Variants in SLBP observed in about 807,000 individuals in gnomAD.
The protein encoded by SLBP is histone RNA hairpin-binding protein.
In SLBP, 29 loss-of-function variants were observed where a neutral mutation model predicts 39.2. That is an observed-to-expected ratio of 0.74 (90% CI 0.55 to 1.01). SLBP has a LOEUF of 1.01. Among genes scored for constraint, SLBP ranks in the 50% least tolerant of loss-of-function variants. The pLI, the probability that SLBP is intolerant of heterozygous loss-of-function variation, is 0.00. For missense variants in SLBP, 390 were observed against 350.2 expected, an observed-to-expected ratio of 1.11 and a Z score of -0.91; for synonymous variants, 129 against 118.7, an observed-to-expected ratio of 1.09 and a Z score of -0.57.
intron 2 of SLBP, among the ~76,000 whole-genome samples, chr4:1,708,678 AG>A (rs377718734): frequency 6.6e-6 from 1 of 152,370 alleles, no homozygotes; most frequent in African/African-American, 2.4e-5. Flanking sequence ...TCCATTTCTT[AG>A]ATTAAGTAGG....
At chr4:1,699,742 A>G in intron 4 of SLBP, 41 bp from the exon 5 acceptor site, 1 of 1,594,882 alleles carries the variant, frequency 6.3e-7, no homozygotes, top group Non-Finnish European at 8.6e-7. Context: ...CCTGCAATTA[A>G]GATCACCATG....
intron 4 of SLBP, 128 bp downstream of exon 4, chr4:1,699,883 T>C (rs534710541): frequency 4.1e-5 from 33 of 804,638 alleles, no homozygotes; most frequent in Middle Eastern, 5.3e-4. Context: ...ATACAGTATT[T>C]CAAATTAGTG....
intron 3 of SLBP, among the ~76,000 whole-genome samples, chr4:1,702,908 G>C (rs1165602818): frequency 2.6e-5 from 4 of 152,136 alleles, no homozygotes; most frequent in Admixed American, 1.3e-4. Context: ...GGTTGTGTGA[G>C]CACCGCACAC....
intron 3 of SLBP, among the ~76,000 whole-genome samples, chr4:1,702,612 G>C (rs1357279108): frequency 2.0e-5 from 3 of 152,160 alleles, no homozygotes; most frequent in Non-Finnish European, 4.4e-5. Flanking sequence ...CCTTGCAACT[G>C]GGTTTGAGTT....
At chr4:1,699,497 C>T in intron 5 of SLBP, 67 bp downstream of exon 5, 1 of 1,542,346 alleles carries the variant, frequency 6.5e-7, no homozygotes, top group South Asian at 1.1e-5. Flanking sequence ...ACTACCCAAT[C>T]TAAGCAACTC....
At chr4:1,711,514 G>A (rs1033855829) in intron 2 of SLBP, among the ~76,000 whole-genome samples, 2 of 152,146 alleles carry the variant, frequency 1.3e-5, no homozygotes, top group Non-Finnish European at 2.9e-5. Flanking sequence ...TGGCCAAGCA[G>A]GTAAGCCCTG....
At chr4:1,708,476 T>A (rs147292289) in intron 2 of SLBP, among the ~76,000 whole-genome samples, 1 of 152,330 alleles carries the variant, frequency 6.6e-6, no homozygotes, top group Non-Finnish European at 1.5e-5. Context: ...GAAATCAAAT[T>A]AGGTAATTAA....
chr4:1,709,305 A>G (rs1321465433), intron 2 of SLBP, among the ~76,000 whole-genome samples: 1 of 152,202 alleles, frequency 6.6e-6, no homozygotes, highest in Non-Finnish European at 1.5e-5. Context: ...CCATAAAAAT[A>G]TGGCACAGTA....
chr4:1,709,081 T>C (rs1313307165), intron 2 of SLBP, among the ~76,000 whole-genome samples: 1 of 152,074 alleles, frequency 6.6e-6, no homozygotes, highest in African/African-American at 2.4e-5. Flanking sequence ...TTTTTTTTTT[T>C]TGAGACAGTT....
Position 1,693,356 on chromosome 4 carries a change from A to G in SLBP, c.*241T>C, listed in dbSNP as rs528364409. On this transcript the variant is annotated 3_prime_UTR_variant, in exon 8 of 8. Coordinates refer to ENST00000489418, the MANE Select transcript of SLBP (RefSeq NM_006527.4). Reference sequence around the variant, plus strand: ...GGGATTACGCAATTAAGCTCGCTGGAAGAGAGCTTCAAGTACTTTCTTGGA... The same window carrying G: ...GGGATTACGCAATTAAGCTCGCTGGGAGAGAGCTTCAAGTACTTTCTTGGA... 7.3e-6 allele frequency: 3 copies of G among 411,318 alleles called. No homozygotes were observed. The highest frequency in any genetic ancestry group is 1.3e-5 in the Non-Finnish European group (3 of 223,860). 25.5% of individuals were successfully genotyped at this position (411,318 alleles called of 1,614,324 possible). A position where few individuals can be genotyped will look rare whatever the true frequency, so the allele number is the denominator to read the frequency against.
At position 1,699,628 on chromosome 4, in the gene SLBP, G is replaced by A; in HGVS notation, c.415C>T (p.Gln139Ter). The A allele has an allele frequency of 6.2e-7, 1 of 1,613,280 alleles. No homozygotes were observed. Among genetic ancestry groups the A allele is most frequent in the Non-Finnish European group, 8.5e-7 (1 of 1,179,238 alleles). ...TTCTTCCCATAGTTGATCTGCTTCT[G>A]TCTCCTCATTAGGACACTTTCATCT... ...ETDESVLMRRQKQINYGKNTI... is the reference protein window; with the variant it reads ...ETDESVLMRR Residue 139 changes from glutamine to a stop codon, truncating the protein, a stop_gained, in exon 5 of 8, where the codon CAG (glutamine) becomes TAG (stop). Coordinates refer to ENST00000489418, the MANE Select transcript of SLBP (RefSeq NM_006527.4). LOFTEE classifies it high-confidence loss of function.
Position 1,693,036 on chromosome 4 carries a change from G to A in SLBP, c.*561C>T, listed in dbSNP as rs1049497. ...AGAGTCTAACTAGTGCTATTTACAA[G>A]TACCAAATTAAGACCATATAACTTA... On this transcript the variant is annotated 3_prime_UTR_variant, in exon 8 of 8. Coordinates refer to ENST00000489418, the MANE Select transcript of SLBP (RefSeq NM_006527.4). The A allele has an allele frequency of 0.028, 4,374 of 153,804 alleles. 212 individuals carry two copies. Among genetic ancestry groups the A allele is most frequent in the African/African-American group, 0.097 (4,031 of 41,532 alleles). The allele number at this position is 153,804 out of a possible 1,614,324, so 9.5% of individuals were successfully genotyped here.
At chr4:1,707,480 TA>T (rs961243486) in intron 2 of SLBP, among the ~76,000 whole-genome samples, 1 of 146,580 alleles carries the variant, frequency 6.8e-6, no homozygotes. Context: ...AGATTCCATC[TA>T]AAAAAAATAA....
In SLBP at chr4:1,694,948, T is replaced by G; in HGVS notation, c.630-108A>C. 3 of 779,934 alleles carry G rather than the reference T, an allele frequency of 3.8e-6. No homozygotes were observed. In the Admixed American group the frequency reaches 5.4e-5, roughly 14 times the overall value. The allele number at this position is 779,934 out of a possible 1,614,324, so 48.3% of individuals were successfully genotyped here. On this transcript the variant is annotated intron_variant, in intron 6 of 7. Coordinates refer to ENST00000489418, the MANE Select transcript of SLBP (RefSeq NM_006527.4). ...TATGGTACAGCCACAACACTGACAG[T>G]GTGCCCGAGGCTCCCTGAGGGGTCA...
chr4:1,692,778 G>C lies in SLBP; in HGVS notation c.*819C>G, dbSNP rs1027586322. 3 of 152,618 alleles carry C rather than the reference G, an allele frequency of 2.0e-5. No individual in the cohort carries two copies. Among genetic ancestry groups the C allele is most frequent in the Non-Finnish European group, 4.4e-5 (3 of 68,030 alleles). The allele number at this position is 152,618 out of a possible 1,614,324, so 9.5% of individuals were successfully genotyped here. The stretch of plus-strand genomic sequence containing the variant: ...GCTCTCACGGCAGCTGGCCCACCTG[G>C]CAACAGCCCCAGTCAGTGAAAGAGG... On this transcript the variant is annotated 3_prime_UTR_variant, in exon 8 of 8. Transcript: ENST00000489418.
At chr4:1,706,497 T>C (rs767100019) in intron 2 of SLBP, among the ~76,000 whole-genome samples, 4 of 152,104 alleles carry the variant, frequency 2.6e-5, no homozygotes, top group East Asian at 1.9e-4. Context: ...AAGTTCAAGA[T>C]AGTCTTCAGT....
intron 2 of SLBP, 53 bp downstream of exon 2, chr4:1,711,821 C>A: frequency 2.0e-6 from 2 of 992,358 alleles, no homozygotes; most frequent in South Asian, 5.6e-5. Context: ...CCCTGGAGCC[C>A]GCGGCCTCGT....
At chr4:1,701,473 T>G (rs925856160) in intron 3 of SLBP, among the ~76,000 whole-genome samples, 2 of 152,228 alleles carry the variant, frequency 1.3e-5, no homozygotes, top group Non-Finnish European at 2.9e-5. Context: ...ACTCTTATAT[T>G]GCTAGTTTGT....
intron 2 of SLBP, among the ~76,000 whole-genome samples, chr4:1,704,684 C>T (rs1716452220): frequency 6.6e-6 from 1 of 152,156 alleles, no homozygotes; most frequent in Non-Finnish European, 1.5e-5. Context: ...ACTGAGAAGG[C>T]TCTGCAAGGT....
Sources: allele counts gnomAD v4.1 joint callset (sites outside exome capture counted in the v4.1 genomes callset), GRCh38; gene constraint gnomAD v4.1.1; transcripts MANE v1.5; gene names NCBI Gene and HGNC (gene_info 2026-07-23, HGNC 2026-07-21).